The following BABAM2 variants were observed in gnomAD, a reference collection of about 807,000 sequenced individuals.
BABAM2 encodes the protein BRISC and BRCA1 A complex member 2.
A neutral mutation model predicts 54.7 loss-of-function variants in BABAM2; 31 were observed. The ratio of observed to expected loss-of-function variants is 0.57; its 90% confidence interval spans 0.43 to 0.77. The LOEUF (loss-of-function observed/expected upper bound fraction) is 0.77, where lower values mean the gene tolerates loss of function less well. Among genes scored for constraint, BABAM2 ranks in the 30% least tolerant of loss-of-function variants. BABAM2 has a pLI of 0.00. For synonymous variants in BABAM2, 167 were observed against 162.9 expected, an observed-to-expected ratio of 1.03 and a Z score of -0.19; for missense variants, 364 against 455.8, an observed-to-expected ratio of 0.80 and a Z score of 1.83.
chr2:28,095,792 GT>G (rs1472675168), intron 6 of BABAM2, among the ~76,000 whole-genome samples: 5 of 152,154 alleles, frequency 3.3e-5, no homozygotes, highest in Admixed American at 2.0e-4. Context: ...TGTCTCTGAG[GT>G]TTTAAGTAGT....
At chr2:27,997,991 A>G (rs2148506535) in intron 4 of BABAM2, among the ~76,000 whole-genome samples, 1 of 152,206 alleles carries the variant, frequency 6.6e-6, no homozygotes, top group East Asian at 1.9e-4. Flanking sequence ...CGTCTCTACT[A>G]AAAATACAAA....
At chr2:27,954,329 C>T (rs900115181) in intron 3 of BABAM2, among the ~76,000 whole-genome samples, 1 of 152,188 alleles carries the variant, frequency 6.6e-6, no homozygotes, top group Non-Finnish European at 1.5e-5. Flanking sequence ...AAGATTTGGT[C>T]GCTGGCCATT....
chr2:27,953,710 A>G (rs1378395910), intron 3 of BABAM2, among the ~76,000 whole-genome samples: 1 of 152,180 alleles, frequency 6.6e-6, no homozygotes, highest in Admixed American at 6.5e-5. Flanking sequence ...AAAGGAAGGG[A>G]ACAAAATGTT....
At chr2:28,225,612 C>CT (rs1286676942) in intron 7 of BABAM2, among the ~76,000 whole-genome samples, 3 of 151,926 alleles carry the variant, frequency 2.0e-5, no homozygotes, top group Non-Finnish European at 4.4e-5. Flanking sequence ...GGGAGGAAGG[C>CT]TTTTGTAGGC....
rs149305973 is a variant in BABAM2 at position 28,116,255 on chromosome 2, T to C, written c.571-13016T>C. Among the ~76,000 whole-genome samples, 713 of 152,300 alleles carry C rather than the reference T, an allele frequency of 4.7e-3. 6 individuals carry two copies. Among genetic ancestry groups the C allele is most frequent in the Non-Finnish European group, 5.9e-3 (399 of 68,016 alleles). On this transcript the variant is annotated intron_variant, in intron 6 of 11. Coordinates refer to ENST00000379624, the MANE Select transcript of BABAM2 (RefSeq NM_199191.3). ...CAGAGCTCATTTTCTGTACAGGGCC[T>C]TCCCATAGACAGTTCCAGAGGGATA... is the stretch of plus-strand genomic sequence containing the variant.
In BABAM2 at chr2:27,938,184, G is replaced by A. The variant is rs1338570795; in HGVS notation, c.205+8276G>A. Among the ~76,000 whole-genome samples the A allele has an allele frequency of 3.3e-5, 5 of 152,278 alleles. No homozygotes were observed. In the East Asian group the frequency reaches 9.6e-4, roughly 29 times the overall value. ...CTTAAATCTATTGTATACAAGATCA[G>A]TAAGGTCATAGTGTTTAATTACCAC... On this transcript the variant is annotated intron_variant, in intron 3 of 11. Transcript: ENST00000379624.
At chr2:28,066,411 T>C (rs1033435924) in intron 6 of BABAM2, among the ~76,000 whole-genome samples, 1 of 152,206 alleles carries the variant, frequency 6.6e-6, no homozygotes, top group African/African-American at 2.4e-5. Flanking sequence ...TTGAAGTCAC[T>C]GATAGCCTCT....
intron 10 of BABAM2, among the ~76,000 whole-genome samples, chr2:28,274,120 C>G (rs1316220814): frequency 6.6e-6 from 1 of 152,194 alleles, no homozygotes; most frequent in Admixed American, 6.5e-5. Flanking sequence ...AAGACACCAC[C>G]TTTATCTGGC....
intron 10 of BABAM2, among the ~76,000 whole-genome samples, chr2:28,260,766 G>A (rs113942610): frequency 2.2e-4 from 33 of 151,980 alleles, no homozygotes; most frequent in Non-Finnish European, 4.1e-4. Flanking sequence ...GGAAATAATT[G>A]CATTTTCCCT....
chr2:28,239,486 G>A (rs1369357266), intron 8 of BABAM2, among the ~76,000 whole-genome samples: 2 of 152,294 alleles, frequency 1.3e-5, no homozygotes, highest in East Asian at 1.9e-4. Flanking sequence ...CAGATGCCTA[G>A]CTTAATGAGT....
chr2:27,970,993 TCTCAGTGCAGTTAC>T (rs1034831764), intron 3 of BABAM2, among the ~76,000 whole-genome samples: 6 of 152,150 alleles, frequency 3.9e-5, no homozygotes, highest in African/African-American at 1.2e-4. Flanking sequence ...GTTATATACT[TCTCAGTGCAGTTAC>T]CACAAGGCCC....
intron 3 of BABAM2, among the ~76,000 whole-genome samples, chr2:27,951,475 G>A (rs1016589062): frequency 1.3e-5 from 2 of 152,098 alleles, no homozygotes; most frequent in African/African-American, 4.8e-5. Flanking sequence ...TGTGGTCAGA[G>A]AACATACTTT....
At chr2:28,099,976 GA>G (rs1395122367) in intron 6 of BABAM2, among the ~76,000 whole-genome samples, 2 of 151,852 alleles carry the variant, frequency 1.3e-5, no homozygotes, top group East Asian at 1.9e-4. Flanking sequence ...GATTTAATGT[GA>G]ATTTTTCTGT....
In BABAM2 at chr2:28,298,607, A is replaced by C; in HGVS notation, c.1088+116A>C. 5.5e-6 allele frequency: 7 copies of C among 1,282,682 alleles called. No homozygotes were observed. The South Asian group carries it at 9.1e-5, about 17-fold the overall frequency. The allele number at this position is 1,282,682 out of a possible 1,614,324, so 79.5% of individuals were successfully genotyped here. A position where few individuals can be genotyped will look rare whatever the true frequency, so the allele number is the denominator to read the frequency against. On this transcript the variant is annotated intron_variant, in intron 11 of 11. Coordinates refer to ENST00000379624, the MANE Select transcript of BABAM2 (RefSeq NM_199191.3). Reference sequence around the variant, plus strand: ...TGCCCTGTGCATGTTTTTGTAAATAAAGTTTTATAGAAACACAGCAACACC... The same window carrying C: ...TGCCCTGTGCATGTTTTTGTAAATACAGTTTTATAGAAACACAGCAACACC...
chr2:27,940,025 T>C (rs1281981017), intron 3 of BABAM2, among the ~76,000 whole-genome samples: 1 of 152,208 alleles, frequency 6.6e-6, no homozygotes, highest in Non-Finnish European at 1.5e-5. Flanking sequence ...TAAGATTCTA[T>C]TGAAAAATGT....
rs1027618074 is a variant in BABAM2, at chr2:28,016,462, C to G, written c.301-8764C>G. The G allele has an allele frequency of 4.7e-6, 6 of 1,274,736 alleles. No individual in the cohort carries two copies. In the Admixed American group the frequency reaches 6.8e-5, roughly 14 times the overall value. The allele number at this position is 1,274,736 out of a possible 1,614,324, so 79.0% of individuals were successfully genotyped here. A position where few individuals can be genotyped will look rare whatever the true frequency, so the allele number is the denominator to read the frequency against. On this transcript the variant is annotated intron_variant, in intron 4 of 11. Transcript: ENST00000379624. ...TTGCTGTTGGGTTCATATAGGCTAC[C>G]CATTTGTCCCACTTGCCCATGGTGC...
At chr2:27,936,790 G>A (rs943566527) in intron 3 of BABAM2, among the ~76,000 whole-genome samples, 2 of 151,864 alleles carry the variant, frequency 1.3e-5, no homozygotes, top group Non-Finnish European at 2.9e-5. Flanking sequence ...ACACTCTGGG[G>A]ACTGTTGTGG....
chr2:28,179,169 G>C (rs1334729726), intron 7 of BABAM2, among the ~76,000 whole-genome samples: 1 of 152,018 alleles, frequency 6.6e-6, no homozygotes, highest in African/African-American at 2.4e-5. Flanking sequence ...ACCAAAACCA[G>C]ACAAGAATGT....
intron 11 of BABAM2, chr2:28,310,194 T>TG (rs1688950441): frequency 4.4e-6 from 7 of 1,588,660 alleles, no homozygotes; most frequent in Non-Finnish European, 6.0e-6. Context: ...TGACATCTGT[T>TG]GCAGTGAAAT....
Sources: allele counts gnomAD v4.1 joint callset (sites outside exome capture counted in the v4.1 genomes callset), GRCh38; gene constraint gnomAD v4.1.1; transcripts MANE v1.5; gene names NCBI Gene and HGNC (gene_info 2026-07-23, HGNC 2026-07-21).